Variants in UBXN7 observed in about 807,000 individuals in gnomAD.
The protein encoded by UBXN7 is UBX domain-containing protein 7.
Under a neutral mutation model 58.0 loss-of-function variants are expected in UBXN7, and 9 were observed. The ratio of observed to expected loss-of-function variants is 0.16; its 90% CI spans 0.09 to 0.27. The LOEUF is 0.27. UBXN7 is among the 10% of genes least tolerant of loss of function. The probability of loss-of-function intolerance (pLI) is 1.00; values close to 1 mark genes in which losing one functional copy is unlikely to be tolerated. For synonymous variants in UBXN7, 208 were observed against 205.0 expected (o/e 1.01, Z -0.12); for missense variants, 328 against 599.6 (o/e 0.55, Z 4.73).
Position 196,432,314 on chromosome 3 carries a change from C to T in UBXN7, c.73+13G>A. 1 of 1,613,458 alleles carries T rather than the reference C, an allele frequency of 6.2e-7. No individual in the cohort carries two copies. Among genetic ancestry groups the T allele is most frequent in the Non-Finnish European group, 8.5e-7 (1 of 1,179,790 alleles). ...GACCCCACTCTCCACCTTCCGGTAA[C>T]CGCGTCTCTTACCGGTAATGGTGGT... is the stretch of plus-strand genomic sequence containing the variant. On this transcript the variant is annotated intron_variant, in intron 1 of 10. Transcript: ENST00000296328.
chr3:196,359,452 C>CA (rs1728445398), intron 10 of UBXN7, among the ~76,000 whole-genome samples: 1 of 152,130 alleles, frequency 6.6e-6, no homozygotes, highest in Non-Finnish European at 1.5e-5. Context: ...TGTCCATCCT[C>CA]AAAATCAATC....
At chr3:196,406,397 G>A (rs752420417) in intron 2 of UBXN7, among the ~76,000 whole-genome samples, 1 of 151,572 alleles carries the variant, frequency 6.6e-6, no homozygotes, top group Admixed American at 6.6e-5. Flanking sequence ...TATTGGGAGC[G>A]AAATACATGG....
chr3:196,383,444 A>C (rs1324465333), intron 5 of UBXN7, among the ~76,000 whole-genome samples: 2 of 152,204 alleles, frequency 1.3e-5, no homozygotes, highest in Non-Finnish European at 2.9e-5. Flanking sequence ...TGCAACAAGC[A>C]GACCTAATAG....
chr3:196,369,182 T>C (rs1181183359), intron 7 of UBXN7, among the ~76,000 whole-genome samples: 1 of 152,184 alleles, frequency 6.6e-6, no homozygotes, highest in Admixed American at 6.6e-5. Flanking sequence ...TCAGTTATTC[T>C]TCAAAAGAAC....
Position 196,386,380 on chromosome 3 carries a change from T to TAA in UBXN7, c.468+5431_468+5432dup, listed in dbSNP as rs34268326. 8.3e-4 allele frequency among the ~76,000 whole-genome samples: 48 copies of TAA among 57,756 alleles called. No individual in the cohort carries two copies. The East Asian group carries it at 0.014, about 17-fold the overall frequency. The allele number at this position is 57,756 out of a possible 152,430, so 37.9% of individuals were successfully genotyped here. On this transcript the variant is annotated intron_variant, in intron 5 of 10. Coordinates refer to ENST00000296328, the MANE Select transcript of UBXN7 (RefSeq NM_015562.2). ...ACACCCAAGAATGATTAATAAACAC[T>TAA]AAAAAAAAAAAAAAAAAAAAAAAAA...
rs144931982 is a variant in UBXN7 at position 196,403,221 on chromosome 3, G to A, written c.222-202C>T. Among the ~76,000 whole-genome samples the A allele has an allele frequency of 3.1e-3, 469 of 152,196 alleles. 3 individuals are homozygous for A. Among genetic ancestry groups the A allele is most frequent in the Non-Finnish European group, 5.3e-3 (358 of 68,014 alleles). ...CGTCCAGGCTGGAGTGGACCGACAC[G>A]ATCTTGGCTCACTGCAACCTCCACC... On this transcript the variant is annotated intron_variant, in intron 2 of 10. Coordinates refer to ENST00000296328, the MANE Select transcript of UBXN7 (RefSeq NM_015562.2).
intron 5 of UBXN7, among the ~76,000 whole-genome samples, chr3:196,372,462 C>A (rs1728871825): frequency 1.3e-5 from 2 of 151,894 alleles, no homozygotes; most frequent in African/African-American, 4.8e-5. Context: ...CCGCCGCAGC[C>A]TCCCAAGTAG....
At chr3:196,377,825 C>T (rs1729080282) in intron 5 of UBXN7, among the ~76,000 whole-genome samples, 1 of 151,966 alleles carries the variant, frequency 6.6e-6, no homozygotes, top group South Asian at 2.1e-4. Flanking sequence ...TGTGCACCAC[C>T]ACGTCCAGCT....
chr3:196,376,570 A>G (rs143454949), intron 5 of UBXN7, among the ~76,000 whole-genome samples: 1,592 of 146,032 alleles, frequency 0.011, 33 homozygotes, highest in South Asian at 0.066. Flanking sequence ...AAAAAAAAAG[A>G]AAAGAAAAGA....
At chr3:196,377,968 T>A (rs537094217) in intron 5 of UBXN7, among the ~76,000 whole-genome samples, 3 of 152,266 alleles carry the variant, frequency 2.0e-5, no homozygotes, top group East Asian at 3.9e-4. Flanking sequence ...AGCCACTGCA[T>A]CCAGCTACAT....
intron 1 of UBXN7, among the ~76,000 whole-genome samples, chr3:196,427,119 A>G (rs1172839163): frequency 6.6e-6 from 1 of 151,950 alleles, no homozygotes; most frequent in East Asian, 1.9e-4. Flanking sequence ...CTTATTTTTC[A>G]CCTGTTCTAT....
chr3:196,430,906 C>T lies in UBXN7; in HGVS notation c.73+1421G>A, dbSNP rs147297825. 2.6e-4 allele frequency among the ~76,000 whole-genome samples: 39 copies of T among 152,144 alleles called. 2 individuals are homozygous for T. Among genetic ancestry groups the T allele is most frequent in the Admixed American group, 2.6e-3 (39 of 15,256 alleles). On this transcript the variant is annotated intron_variant, in intron 1 of 10. Transcript: ENST00000296328. ...CCAATCCTTTATATCTTCAATAATC[C>T]AATCACAAAGTTCAAAAATATTAAG...
chr3:196,386,424 T>C (rs1729401050), intron 5 of UBXN7, among the ~76,000 whole-genome samples: 1 of 146,090 alleles, frequency 6.8e-6, no homozygotes, highest in South Asian at 2.2e-4. Flanking sequence ...GGAAGTCAAA[T>C]TGTCCCTGTT....
At chr3:196,360,688 T>C (rs972682483) in intron 10 of UBXN7, among the ~76,000 whole-genome samples, 3 of 152,180 alleles carry the variant, frequency 2.0e-5, no homozygotes, top group Non-Finnish European at 2.9e-5. Flanking sequence ...CCAACATCCA[T>C]TCTGCAGCCC....
intron 5 of UBXN7, among the ~76,000 whole-genome samples, chr3:196,386,702 G>A (rs531963687): frequency 1.3e-5 from 2 of 152,208 alleles, no homozygotes; most frequent in African/African-American, 2.4e-5. Context: ...ACTGCTCAAC[G>A]AAATAAAAGA....
At position 196,352,153 on chromosome 3, in the gene UBXN7, T is replaced by C. The variant is rs1476873368; in HGVS notation, c.*4532A>G. 1.3e-5 allele frequency: 2 copies of C among 152,354 alleles called. No individual in the cohort carries two copies. Among genetic ancestry groups the C allele is most frequent in the East Asian group, 3.9e-4 (2 of 5,190 alleles). 9.4% of individuals were successfully genotyped at this position (152,354 alleles called of 1,614,324 possible). ...TAACTAAAACATATTCTTCCCTTTT[T>C]CTAAGTTTGAACTAATAGGTAAACA... is the stretch of plus-strand genomic sequence containing the variant. On this transcript the variant is annotated 3_prime_UTR_variant, in exon 11 of 11. Transcript: ENST00000296328. This position sits in a 1 kb window ranked among gnomAD's most constrained non-coding sequence, Gnocchi z 4.1.
chr3:196,385,803 G>T (rs1729368120), intron 5 of UBXN7, among the ~76,000 whole-genome samples: 1 of 148,714 alleles, frequency 6.7e-6, no homozygotes, highest in African/African-American at 2.5e-5. Context: ...GGGGGGGTGG[G>T]GGCGCCTCTG....
intron 4 of UBXN7, among the ~76,000 whole-genome samples, chr3:196,392,430 T>C (rs1345876058): frequency 1.3e-5 from 2 of 149,496 alleles, no homozygotes; most frequent in Admixed American, 6.6e-5. Context: ...GCCTGAACCC[T>C]GGAGGCAGAG....
intron 10 of UBXN7, among the ~76,000 whole-genome samples, chr3:196,360,255 T>G (rs1185944735): frequency 6.6e-6 from 1 of 152,180 alleles, no homozygotes; most frequent in Non-Finnish European, 1.5e-5. Flanking sequence ...CAACACTAAA[T>G]AACAGATTTA....
Sources: gnomAD v4.1 joint callset for allele counts (sites outside exome capture counted in the v4.1 genomes callset) on GRCh38, gnomAD v4.1.1 for gene constraint, Gnocchi (gnomAD v3.1) non-coding constraint, MANE v1.5 for transcripts, NCBI Gene and HGNC (gene_info 2026-07-23, HGNC 2026-07-21) for gene names.